Variants in PARN observed in about 807,000 individuals in gnomAD.
PARN encodes the protein poly(A)-specific ribonuclease PARN.
A neutral mutation model predicts 102.8 loss-of-function variants in PARN; 71 were observed. The observed-to-expected ratio is 0.69, with a 90% CI of 0.57 to 0.84. The LOEUF is 0.84. Ranked by LOEUF, PARN falls within the 40% of genes least tolerant of loss-of-function variation. The pLI, the probability that PARN is intolerant of heterozygous loss-of-function variation, is 0.00. For synonymous variants in PARN, 261 were observed against 252.9 expected, an observed-to-expected ratio of 1.03 and a Z score of -0.30; for missense variants, 782 against 760.9, an observed-to-expected ratio of 1.03 and a Z score of -0.33.
intron 21 of PARN, among the ~76,000 whole-genome samples, chr16:14,512,534 G>A (rs933354675): frequency 6.6e-6 from 1 of 152,126 alleles, no homozygotes; most frequent in Non-Finnish European, 1.5e-5. Flanking sequence ...TCCATCCTGT[G>A]AGGTCTGCTC....
At chr16:14,487,229 G>C (rs1254936897) in intron 21 of PARN, among the ~76,000 whole-genome samples, 2 of 152,346 alleles carry the variant, frequency 1.3e-5, no homozygotes, top group East Asian at 3.9e-4. Flanking sequence ...GCTTGCCTGA[G>C]GTCTTGTAGG....
At chr16:14,571,451 A>T (rs564132003) in intron 18 of PARN, among the ~76,000 whole-genome samples, 13 of 152,340 alleles carry the variant, frequency 8.5e-5, no homozygotes, top group African/African-American at 3.1e-4. Flanking sequence ...AAAAAACAGT[A>T]ACATATTCAA....
intron 21 of PARN, among the ~76,000 whole-genome samples, chr16:14,526,061 G>A (rs555393700): frequency 5.3e-5 from 8 of 151,356 alleles, no homozygotes; most frequent in East Asian, 3.9e-4. Context: ...TAAGTGATTC[G>A]CCCACCTCAG....
At chr16:14,492,543 G>T (rs915392247) in intron 21 of PARN, among the ~76,000 whole-genome samples, 1 of 152,108 alleles carries the variant, frequency 6.6e-6, no homozygotes, top group South Asian at 2.1e-4. Flanking sequence ...GCAGAACAGG[G>T]CAGAGTGTGA....
chr16:14,587,451 G>C (rs1969929851), intron 13 of PARN, among the ~76,000 whole-genome samples: 1 of 152,144 alleles, frequency 6.6e-6, no homozygotes. Flanking sequence ...CCAAAATGTG[G>C]ATTATTTAGT....
chr16:14,514,351 G>T (rs986016268), intron 21 of PARN, among the ~76,000 whole-genome samples: 36 of 151,698 alleles, frequency 2.4e-4, no homozygotes, highest in African/African-American at 8.7e-4. Context: ...TGCCTGGCTA[G>T]TTTTTTTTGT....
rs1971570753 is a variant in PARN at position 14,612,417 on chromosome 16, C to T, written c.389-1608G>A. ...GTGCCACCGCACTTCAGCCTGGCGA[C>T]GGTGTGACACTGTCTCAAAAAAAAA... On this transcript the variant is annotated intron_variant, in intron 6 of 23. Transcript: ENST00000437198. 3.3e-5 allele frequency among the ~76,000 whole-genome samples: 5 copies of T among 151,254 alleles called. No individual in the cohort carries two copies. The South Asian group carries it at 1.0e-3, about 32-fold the overall frequency.
intron 21 of PARN, among the ~76,000 whole-genome samples, chr16:14,506,744 T>C (rs1368862415): frequency 2.0e-5 from 3 of 152,192 alleles, no homozygotes; most frequent in African/African-American, 7.2e-5. Context: ...TAGTTCCAGC[T>C]ACTTGAGAGG....
At chr16:14,461,778 T>C (rs1406451813) in intron 22 of PARN, among the ~76,000 whole-genome samples, 1 of 152,240 alleles carries the variant, frequency 6.6e-6, no homozygotes, top group African/African-American at 2.4e-5. Context: ...TTCATCTTGG[T>C]TGATCAATTC....
At chr16:14,602,990 C>T (rs1166236829) in intron 11 of PARN, among the ~76,000 whole-genome samples, 1 of 152,066 alleles carries the variant, frequency 6.6e-6, no homozygotes, top group Non-Finnish European at 1.5e-5. Context: ...TCTCAACTCA[C>T]TGCAACTGCA....
chr16:14,543,207 A>C (rs1165799361), intron 21 of PARN, among the ~76,000 whole-genome samples: 2 of 152,214 alleles, frequency 1.3e-5, no homozygotes, highest in Non-Finnish European at 2.9e-5. Flanking sequence ...CCAGAATTCT[A>C]TATCCAGTGA....
intron 6 of PARN, among the ~76,000 whole-genome samples, chr16:14,612,461 A>C (rs1354385017): frequency 6.6e-6 from 1 of 152,120 alleles, no homozygotes; most frequent in Admixed American, 6.5e-5. Context: ...AAAATAAAAA[A>C]AACACCTTGC....
At chr16:14,480,670 G>A (rs375063539) in intron 22 of PARN, among the ~76,000 whole-genome samples, 12 of 152,200 alleles carry the variant, frequency 7.9e-5, no homozygotes, top group East Asian at 5.8e-4. Context: ...GTCAGGTGCA[G>A]TGGCTCACGC....
intron 21 of PARN, 141 bp from the exon 22 acceptor site, chr16:14,482,968 G>C: frequency 1.7e-6 from 1 of 593,442 alleles, no homozygotes; most frequent in Non-Finnish European, 2.8e-6. Context: ...CCACCTGGAA[G>C]ACAAATGACC....
At chr16:14,624,988 G>T (rs1415120052) in intron 5 of PARN, among the ~76,000 whole-genome samples, 1 of 151,862 alleles carries the variant, frequency 6.6e-6, no homozygotes, top group Non-Finnish European at 1.5e-5. Flanking sequence ...GCTTTAGCCT[G>T]GGCAACAAGA....
intron 22 of PARN, among the ~76,000 whole-genome samples, chr16:14,465,731 G>T (rs1962305264): frequency 6.6e-6 from 1 of 152,066 alleles, no homozygotes; most frequent in Admixed American, 6.5e-5. Context: ...AGACCAAAGA[G>T]AACAAAGTTG....
chr16:14,594,188 TATC>T (rs1427959707), intron 12 of PARN, among the ~76,000 whole-genome samples: 1 of 152,162 alleles, frequency 6.6e-6, no homozygotes, highest in Admixed American at 6.5e-5. Flanking sequence ...GCATTTCCTA[TATC>T]ATTATGTCAA....
intron 22 of PARN, among the ~76,000 whole-genome samples, chr16:14,470,437 G>GATTATTATT (rs56768991): frequency 0.013 from 1,979 of 147,132 alleles, 30 homozygotes; most frequent in African/African-American, 0.033. Context: ...GAGTTTGGAT[G>GATTATTATT]ATTATTATTA....
At chr16:14,552,132 C>T in intron 20 of PARN, 37 bp from the exon 21 acceptor site, 1 of 1,301,776 alleles carries the variant, frequency 7.7e-7, no homozygotes, top group Non-Finnish European at 1.1e-6. Context: ...GAACATTTGA[C>T]CATGTGGAGA....
Sources: allele counts gnomAD v4.1 joint callset (sites outside exome capture counted in the v4.1 genomes callset), GRCh38; gene constraint gnomAD v4.1.1; transcripts MANE v1.5; gene names NCBI Gene and HGNC (gene_info 2026-07-23, HGNC 2026-07-21).